SAMMSON: variants seen among roughly 807,000 people sequenced by gnomAD.
The protein encoded by SAMMSON is survival associated mitochondrial melanoma specific oncogenic non-coding RNA, also known as long intergenic non-protein coding RNA 1212.
chr3:70,293,777 C>G (rs753481119), intron 7 of SAMMSON, among the ~76,000 whole-genome samples: 1 of 151,820 alleles, frequency 6.6e-6, no homozygotes, highest in Non-Finnish European at 1.5e-5. Flanking sequence ...CAATGAGTAT[C>G]TGAACCTTAC....
intron 4 of SAMMSON, among the ~76,000 whole-genome samples, chr3:70,079,083 A>G (rs2067258963): frequency 1.3e-5 from 2 of 152,154 alleles, no homozygotes; most frequent in South Asian, 4.1e-4. Context: ...AAAGCAGAAA[A>G]TATTTACTCT....
At chr3:70,117,451 C>T (rs2067416181) in intron 4 of SAMMSON, among the ~76,000 whole-genome samples, 1 of 152,046 alleles carries the variant, frequency 6.6e-6, no homozygotes, top group Non-Finnish European at 1.5e-5. Context: ...TTTATCAGAT[C>T]CTTTGAAAAT....
chr3:70,108,079 A>T (rs1410155801), intron 4 of SAMMSON, among the ~76,000 whole-genome samples: 1 of 152,202 alleles, frequency 6.6e-6, no homozygotes, highest in African/African-American at 2.4e-5. Flanking sequence ...TTTTGGATTT[A>T]GATGTGTTTT....
intron 2 of SAMMSON, among the ~76,000 whole-genome samples, chr3:70,422,213 A>T (rs1427645331): frequency 1.3e-5 from 2 of 152,028 alleles, no homozygotes; most frequent in East Asian, 3.9e-4. Context: ...AAATGAAAAA[A>T]ATTGTTATTC....
At chr3:70,200,981 TC>T (rs1163042243) in intron 4 of SAMMSON, among the ~76,000 whole-genome samples, 11 of 151,976 alleles carry the variant, frequency 7.2e-5, no homozygotes, top group African/African-American at 2.7e-4. Flanking sequence ...GGGTGGGTGT[TC>T]ATTTCTCTTC....
intron 4 of SAMMSON, among the ~76,000 whole-genome samples, chr3:70,092,913 T>TG (rs937673435): frequency 5.3e-5 from 8 of 150,226 alleles, no homozygotes; most frequent in East Asian, 1.9e-4. Flanking sequence ...TTTTTTTTTT[T>TG]TTGTTTTTTT....
chr3:70,374,936 C>G lies in SAMMSON; in HGVS notation n.914-14638C>G, dbSNP rs185591668. 7.2e-5 allele frequency among the ~76,000 whole-genome samples: 11 copies of G among 152,108 alleles called. 1 individual carries two copies. Among genetic ancestry groups the G allele is most frequent in the Admixed American group, 1.3e-4 (2 of 15,264 alleles). On this transcript the variant is annotated intron_variant and non_coding_transcript_variant, in intron 9 of 9. Transcript: ENST00000642114. Reference sequence around the variant, plus strand: ...TTTGCTGTGGCTTATTCATCTTAACCCTTCAACATTTCTAGGTTGTTATTT... The same window carrying G: ...TTTGCTGTGGCTTATTCATCTTAACGCTTCAACATTTCTAGGTTGTTATTT...
intron 3 of SAMMSON, among the ~76,000 whole-genome samples, chr3:70,040,371 A>G (rs532835076): frequency 1.3e-5 from 2 of 152,160 alleles, no homozygotes; most frequent in Non-Finnish European, 2.9e-5. Context: ...ACTACGGTGC[A>G]GAAAGGTTAA....
At chr3:70,135,627 C>A (rs951007747) in intron 4 of SAMMSON, among the ~76,000 whole-genome samples, 12 of 152,144 alleles carry the variant, frequency 7.9e-5, no homozygotes, top group African/African-American at 1.9e-4. Flanking sequence ...GGAAAGCAAT[C>A]CTGTTCAATC....
chr3:70,119,007 A>G (rs1158833745), intron 4 of SAMMSON, among the ~76,000 whole-genome samples: 1 of 152,050 alleles, frequency 6.6e-6, no homozygotes, highest in African/African-American at 2.4e-5. Context: ...TCTTTCCTAG[A>G]TTTCTTTTCT....
At chr3:70,137,135 T>C (rs1219134372) in intron 4 of SAMMSON, among the ~76,000 whole-genome samples, 1 of 152,220 alleles carries the variant, frequency 6.6e-6, no homozygotes, top group African/African-American at 2.4e-5. Flanking sequence ...TGTATCCTTC[T>C]ATAGTCCTTT....
intron 3 of SAMMSON, among the ~76,000 whole-genome samples, chr3:70,048,291 A>C (rs373746261): frequency 1.4e-4 from 22 of 152,228 alleles, no homozygotes; most frequent in African/African-American, 5.3e-4. Flanking sequence ...GCCATAACTT[A>C]CCAGCTGTGT....
At chr3:70,338,920 C>T (rs991106911) in intron 7 of SAMMSON, among the ~76,000 whole-genome samples, 1 of 152,072 alleles carries the variant, frequency 6.6e-6, no homozygotes, top group African/African-American at 2.4e-5. Flanking sequence ...TCACATGGAA[C>T]CAAAAAAGAG....
At position 70,139,177 on chromosome 3, in the gene SAMMSON, C is replaced by G. The variant is rs376518233; in HGVS notation, n.507+67612C>G. On this transcript the variant is annotated intron_variant and non_coding_transcript_variant, in intron 4 of 9. Transcript: ENST00000642114. ...AATAAAATCTGAGTAGCTAGGACTA[C>G]AGACACATGACACCACACCCAGATA... Among the ~76,000 whole-genome samples, 5 of 152,118 alleles carry G rather than the reference C, an allele frequency of 3.3e-5. 1 individual carries two copies. The highest frequency in any genetic ancestry group is 7.3e-5 in the Non-Finnish European group (5 of 68,028).
At chr3:70,194,056 C>T (rs776331017) in intron 4 of SAMMSON, among the ~76,000 whole-genome samples, 4 of 152,138 alleles carry the variant, frequency 2.6e-5, no homozygotes, top group Non-Finnish European at 5.9e-5. Context: ...GCAAGTCAAA[C>T]GTAACTTCGT....
At chr3:70,265,149 A>G (rs1393335299) in intron 6 of SAMMSON, among the ~76,000 whole-genome samples, 1 of 152,198 alleles carries the variant, frequency 6.6e-6, no homozygotes, top group Admixed American at 6.5e-5. Flanking sequence ...GGGAGCTACA[A>G]TTCAAGATTG....
chr3:70,314,116 C>T (rs1189237595), intron 7 of SAMMSON, among the ~76,000 whole-genome samples: 1 of 152,082 alleles, frequency 6.6e-6, no homozygotes, highest in Non-Finnish European at 1.5e-5. Context: ...TATGATCAGT[C>T]TCCATTCTAA....
At chr3:70,344,639 A>G (rs1702737147) in intron 7 of SAMMSON, among the ~76,000 whole-genome samples, 1 of 152,238 alleles carries the variant, frequency 6.6e-6, no homozygotes, top group African/African-American at 2.4e-5. Flanking sequence ...TGTGGGCTTC[A>G]GGAGTCACAG....
chr3:70,366,492 G>GTTTTTTTTTTTTTTTTTTTTTTTTTGT, intron 9 of SAMMSON, among the ~76,000 whole-genome samples: 1 of 100,758 alleles, frequency 9.9e-6, no homozygotes, highest in African/African-American at 3.6e-5. Context: ...GTGTTTTTAT[G>GTTTTTTTTTTTTTTTTTTTTTTTTTGT]TTTTTTTTTT....
Sources: gnomAD v4.1 joint callset for allele counts (sites outside exome capture counted in the v4.1 genomes callset) on GRCh38, gnomAD v4.1.1 for gene constraint, MANE v1.5 for transcripts, NCBI Gene and HGNC (gene_info 2026-07-23, HGNC 2026-07-21) for gene names.